INPP4B: variants seen among roughly 807,000 people sequenced by gnomAD.
INPP4B encodes inositol polyphosphate 4-phosphatase type II.
INPP4B carries 55 observed loss-of-function variants against 122.5 expected under a neutral mutation model. That is an observed-to-expected ratio of 0.45 (90% CI 0.36 to 0.56). The LOEUF is 0.56. INPP4B is among the 20% of genes least tolerant of loss of function. INPP4B has a pLI of 0.00. For synonymous variants in INPP4B, 403 were observed against 388.7 expected, an observed-to-expected ratio of 1.04 and a Z score of -0.43; for missense variants, 1,000 against 1,097.7, an observed-to-expected ratio of 0.91 and a Z score of 1.26.
At chr4:142,532,404 C>T (rs145369708) in intron 2 of INPP4B, among the ~76,000 whole-genome samples, 1 of 152,280 alleles carries the variant, frequency 6.6e-6, no homozygotes, top group East Asian at 1.9e-4. Flanking sequence ...AGTCTCTGGT[C>T]GTTCTGCTTT....
At chr4:142,731,733 C>G (rs779763480) in intron 1 of INPP4B, among the ~76,000 whole-genome samples, 6 of 151,562 alleles carry the variant, frequency 4.0e-5, no homozygotes, top group Non-Finnish European at 8.8e-5. Context: ...TAGCAGATGG[C>G]TTTTCAGGAC....
chr4:142,289,400 G>T (rs1298489121), intron 9 of INPP4B, among the ~76,000 whole-genome samples: 1 of 152,022 alleles, frequency 6.6e-6, no homozygotes, highest in Non-Finnish European at 1.5e-5. Context: ...TAAGTTCAAG[G>T]GTACGTGTGC....
intron 1 of INPP4B, among the ~76,000 whole-genome samples, chr4:142,811,542 C>T (rs768535931): frequency 9.9e-5 from 15 of 151,966 alleles, no homozygotes; most frequent in Admixed American, 9.8e-4. Context: ...TGACAGCTTC[C>T]CAGAAATAGT....
At chr4:142,417,647 T>C (rs1806048681) in intron 5 of INPP4B, among the ~76,000 whole-genome samples, 4 of 152,120 alleles carry the variant, frequency 2.6e-5, no homozygotes, top group Admixed American at 2.6e-4. Context: ...TAACCCAAGA[T>C]AATAATTAGA....
chr4:142,402,443 G>C (rs370393267), intron 7 of INPP4B, among the ~76,000 whole-genome samples: 2 of 152,298 alleles, frequency 1.3e-5, no homozygotes, highest in South Asian at 2.1e-4. Flanking sequence ...CTTGAAAAGA[G>C]AGCAGTTAAC....
At chr4:142,579,555 G>A (rs1423197615) in intron 2 of INPP4B, among the ~76,000 whole-genome samples, 1 of 151,956 alleles carries the variant, frequency 6.6e-6, no homozygotes, top group African/African-American at 2.4e-5. Flanking sequence ...TGTAATGTGA[G>A]TGGGCCTCAT....
chr4:142,737,550 G>A (rs1767148429), intron 1 of INPP4B, among the ~76,000 whole-genome samples: 2 of 152,120 alleles, frequency 1.3e-5, no homozygotes, highest in African/African-American at 4.8e-5. Context: ...ACATAGGCAT[G>A]GGCAAGGACT....
rs1580373029 is a variant in INPP4B at position 142,561,955 on chromosome 4, T to G, written c.-190-99229A>C. 2.0e-5 allele frequency among the ~76,000 whole-genome samples: 3 copies of G among 152,278 alleles called. No homozygotes were observed. In the East Asian group the frequency reaches 5.8e-4, roughly 29 times the overall value. On this transcript the variant is annotated intron_variant, in intron 2 of 25. Coordinates refer to ENST00000262992, the MANE Select transcript of INPP4B (RefSeq NM_001101669.3). ...ATTTCAAACCTTTGGCAGTATTATA[T>G]CTAGAATTTTTTTTTGTTCTCTTTT... is the stretch of plus-strand genomic sequence containing the variant.
chr4:142,289,580 C>G (rs867117273), intron 9 of INPP4B, among the ~76,000 whole-genome samples: 3 of 152,178 alleles, frequency 2.0e-5, no homozygotes, highest in African/African-American at 4.8e-5. Flanking sequence ...GTTTCCCCAA[C>G]TGTGTCCCTG....
intron 1 of INPP4B, among the ~76,000 whole-genome samples, chr4:142,836,462 T>C (rs191285837): frequency 1.6e-4 from 25 of 151,890 alleles, no homozygotes; most frequent in African/African-American, 5.8e-4. Flanking sequence ...AAAAATAAAA[T>C]GTAATATGAG....
At chr4:142,361,655 G>A (rs1262489147) in intron 7 of INPP4B, among the ~76,000 whole-genome samples, 1 of 151,708 alleles carries the variant, frequency 6.6e-6, no homozygotes, top group Non-Finnish European at 1.5e-5. Context: ...ATGAAATCCT[G>A]TTTCTTCATA....
rs147295821 is a variant in INPP4B at position 142,790,522 on chromosome 4, C to T, written c.-254+55687G>A. On this transcript the variant is annotated intron_variant, in intron 1 of 25. Coordinates refer to ENST00000262992, the MANE Select transcript of INPP4B (RefSeq NM_001101669.3). ...AATCAAAACCGCAATGTGATACCAC[C>T]TTACTCCTGCAAAAATGGCCATAAT... is the stretch of plus-strand genomic sequence containing the variant. Among the ~76,000 whole-genome samples, 375 of 152,108 alleles carry T rather than the reference C, an allele frequency of 2.5e-3. 5 individuals are homozygous for T. The highest frequency in any genetic ancestry group is 0.018 in the East Asian group (95 of 5,164).
intron 11 of INPP4B, among the ~76,000 whole-genome samples, chr4:142,238,600 T>C (rs1365021094): frequency 1.3e-5 from 2 of 152,070 alleles, no homozygotes; most frequent in Non-Finnish European, 2.9e-5. Flanking sequence ...AAAATTCAAA[T>C]ACCAAGCATA....
chr4:142,283,102 A>C (rs1297995901), intron 9 of INPP4B, among the ~76,000 whole-genome samples: 1 of 152,082 alleles, frequency 6.6e-6, no homozygotes, highest in African/African-American at 2.4e-5. Context: ...GAGGAAGAGG[A>C]GATGTATCCG....
At chr4:142,048,218 T>A (rs1752605271) in intron 25 of INPP4B, among the ~76,000 whole-genome samples, 1 of 152,094 alleles carries the variant, frequency 6.6e-6, no homozygotes, top group African/African-American at 2.4e-5. Flanking sequence ...CCTAAGTCTG[T>A]GCTCTTAACA....
chr4:142,069,503 A>G (rs1765685252), intron 25 of INPP4B, among the ~76,000 whole-genome samples: 1 of 151,958 alleles, frequency 6.6e-6, no homozygotes, highest in Admixed American at 6.5e-5. Flanking sequence ...TGAAGGAGAT[A>G]CAGACACAAA....
chr4:142,706,029 C>G (rs1762428845), intron 2 of INPP4B, among the ~76,000 whole-genome samples: 1 of 152,244 alleles, frequency 6.6e-6, no homozygotes, highest in African/African-American at 2.4e-5. Context: ...GGCCTGGCCT[C>G]TGCCACACTC....
intron 7 of INPP4B, among the ~76,000 whole-genome samples, chr4:142,332,269 T>C (rs976925356): frequency 4.2e-4 from 64 of 152,294 alleles, no homozygotes; most frequent in African/African-American, 1.5e-3. Context: ...GACACTATAA[T>C]GAGACCCTTT....
intron 2 of INPP4B, among the ~76,000 whole-genome samples, chr4:142,616,833 G>C (rs1743808511): frequency 1.3e-5 from 2 of 152,084 alleles, no homozygotes; most frequent in Non-Finnish European, 2.9e-5. Context: ...AAATGACTCA[G>C]AAACAGAGAG....
Sources: gnomAD v4.1 joint callset for allele counts (sites outside exome capture counted in the v4.1 genomes callset) on GRCh38, gnomAD v4.1.1 for gene constraint, MANE v1.5 for transcripts, NCBI Gene and HGNC (gene_info 2026-07-23, HGNC 2026-07-21) for gene names.